The following PKHD1 variants were observed in gnomAD, a reference collection of about 807,000 sequenced individuals.
PKHD1 encodes the protein PKHD1 ciliary IPT domain containing fibrocystin/polyductin.
PKHD1 carries 291 observed loss-of-function variants against 412.0 expected under a neutral mutation model. The observed-to-expected ratio is 0.71, with a 90% confidence interval of 0.64 to 0.78. The LOEUF (loss-of-function observed/expected upper bound fraction) is 0.78. PKHD1 is among the 30% of genes least tolerant of loss of function. The pLI is 0.00. For missense variants in PKHD1, 4,825 were observed against 4,950.7 expected (o/e 0.97, Z 0.76); for synonymous variants, 1,777 against 1,821.5 (o/e 0.98, Z 0.62).
chr6:51,640,362 C>T (rs1217129885), intron 63 of PKHD1, among the ~76,000 whole-genome samples: 1 of 152,150 alleles, frequency 6.6e-6, no homozygotes, highest in Non-Finnish European at 1.5e-5. Context: ...TACCAGCTTG[C>T]CTTAGAGATC....
At chr6:51,921,963 G>A (rs957652908) in intron 37 of PKHD1, among the ~76,000 whole-genome samples, 1 of 152,146 alleles carries the variant, frequency 6.6e-6, no homozygotes, top group Non-Finnish European at 1.5e-5. Flanking sequence ...ATCCAGCTTT[G>A]TTCTATTGCT....
intron 38 of PKHD1, 22 bp from the exon 39 acceptor site, chr6:51,911,978 T>C (rs756715472): frequency 7.5e-6 from 12 of 1,592,696 alleles, no homozygotes; most frequent in South Asian, 2.2e-5. Context: ...AAGAGGATGA[T>C]AGAACTGAGG....
At position 52,058,484 on chromosome 6, in the gene PKHD1, T is replaced by C; in HGVS notation, c.1351A>G (p.Met451Val). 1 of 1,614,192 alleles carries C rather than the reference T, an allele frequency of 6.2e-7. No homozygotes were observed. Among genetic ancestry groups the C allele is most frequent in the South Asian group, 1.1e-5 (1 of 91,084 alleles). Residue 451 changes from methionine (M) to valine (V), a missense_variant, in exon 16 of 67, where the codon ATG becomes GTG. Transcript: ENST00000371117. ...TGATGCTCTGCTTCCAGGTAGTACA[T>C]GGCTCCACCCAACAGCTCCAACTTG... ...TPKLELLGGA[M>V]YYLEAEHHGI...
intron 60 of PKHD1, among the ~76,000 whole-genome samples, chr6:51,672,442 A>C (rs2150510914): frequency 6.6e-6 from 1 of 152,358 alleles, no homozygotes; most frequent in South Asian, 2.1e-4. Context: ...AAAAGCACAG[A>C]TCTATGCAAA....
intron 58 of PKHD1, 96 bp from the exon 59 acceptor site, chr6:51,746,985 A>G (rs1785276231): frequency 1.3e-6 from 1 of 769,086 alleles, no homozygotes; most frequent in Non-Finnish European, 2.1e-6. Flanking sequence ...AATAATGTAT[A>G]CCCTAAGTTA....
At chr6:52,071,359 C>A (rs1379909888) in intron 8 of PKHD1, among the ~76,000 whole-genome samples, 1 of 151,720 alleles carries the variant, frequency 6.6e-6, no homozygotes, top group African/African-American at 2.4e-5. Context: ...ACAAGTATAA[C>A]AAAACCTTTA....
intron 35 of PKHD1, among the ~76,000 whole-genome samples, chr6:51,998,297 T>C (rs1337915662): frequency 6.6e-6 from 1 of 151,846 alleles, no homozygotes; most frequent in Non-Finnish European, 1.5e-5. Flanking sequence ...ACAAGTCCTA[T>C]GGCCCTATCA....
chr6:51,768,439 C>A (rs1170347581), intron 55 of PKHD1, among the ~76,000 whole-genome samples: 1 of 151,830 alleles, frequency 6.6e-6, no homozygotes. Flanking sequence ...TTTATAGGTT[C>A]TGTAATTTTT....
chr6:51,642,134 C>G (rs917563768), intron 63 of PKHD1, among the ~76,000 whole-genome samples: 1 of 151,948 alleles, frequency 6.6e-6, no homozygotes, highest in Non-Finnish European at 1.5e-5. Flanking sequence ...CTAAGCTGGC[C>G]GGGCATGACA....
intron 8 of PKHD1, among the ~76,000 whole-genome samples, chr6:52,071,830 A>G (rs1361431990): frequency 2.0e-5 from 3 of 152,276 alleles, no homozygotes; most frequent in South Asian, 2.1e-4. Context: ...GGTGACTTCA[A>G]TGTAAAGCAT....
At position 52,017,454 on chromosome 6, in the gene PKHD1, A is replaced by G. The variant is rs549418638; in HGVS notation, c.5556T>C (p.His1852=). ...ESSQCLFVPD[H]WAESMFPSFS... Reference sequence around the variant, plus strand: ...ATGATGGAAACATTGACTCTGCCCAATGATCTGGCACAAAGAGGCATTGGG... The same window carrying G: ...ATGATGGAAACATTGACTCTGCCCAGTGATCTGGCACAAAGAGGCATTGGG... The change falls in exon 34 of 67, where the codon CAT becomes CAC. Residue 1852 remains histidine (H), a synonymous_variant. Transcript: ENST00000371117. 1.4e-5 allele frequency: 22 copies of G among 1,614,164 alleles called. No individual in the cohort carries two copies. The highest frequency in any genetic ancestry group is 6.7e-5 in the East Asian group (3 of 44,892).
intron 61 of PKHD1, among the ~76,000 whole-genome samples, chr6:51,655,561 CACAA>C (rs1165451386): frequency 2.6e-4 from 39 of 152,222 alleles, no homozygotes; most frequent in African/African-American, 8.2e-4. Flanking sequence ...ATGGCAATGT[CACAA>C]ACAAAGAGCT....
intron 63 of PKHD1, among the ~76,000 whole-genome samples, 176 bp from the exon 64 acceptor site, chr6:51,639,132 C>CAGAA (rs1196875711): frequency 6.6e-6 from 1 of 152,150 alleles, no homozygotes; most frequent in East Asian, 1.9e-4. Flanking sequence ...TGACCCAAGA[C>CAGAA]AGAATAACAG....
intron 55 of PKHD1, among the ~76,000 whole-genome samples, chr6:51,761,439 G>C (rs1035682410): frequency 6.6e-6 from 1 of 151,984 alleles, no homozygotes; most frequent in Admixed American, 6.6e-5. Flanking sequence ...GGCTGGTGGT[G>C]GGGGGAAGCA....
At chr6:51,978,373 T>G (rs1794723299) in intron 35 of PKHD1, among the ~76,000 whole-genome samples, 1 of 152,182 alleles carries the variant, frequency 6.6e-6, no homozygotes, top group Non-Finnish European at 1.5e-5. Context: ...AAGTAGTCTT[T>G]GAAGACTACC....
intron 51 of PKHD1, among the ~76,000 whole-genome samples, chr6:51,834,925 A>G (rs1768926396): frequency 6.6e-6 from 1 of 152,200 alleles, no homozygotes. Context: ...CTGAGTTCCT[A>G]TCTAGGCTCA....
At position 52,042,856 on chromosome 6, in the gene PKHD1, T is replaced by C. The variant is rs767728263; in HGVS notation, c.3097+3A>G. On this transcript the variant is annotated splice_donor_region_variant and intron_variant, in intron 27 of 66. Coordinates refer to ENST00000371117, the MANE Select transcript of PKHD1 (RefSeq NM_138694.4). ...ACATACTGTGAGACCCTCCCCAGAT[T>C]ACCAATATCCGCAGCTCTGGAAGGC... is the stretch of plus-strand genomic sequence containing the variant. 1 of 1,613,456 alleles carries C rather than the reference T, an allele frequency of 6.2e-7. No individual in the cohort carries two copies. Among genetic ancestry groups the C allele is most frequent in the Non-Finnish European group, 8.5e-7 (1 of 1,179,610 alleles).
intron 60 of PKHD1, among the ~76,000 whole-genome samples, chr6:51,666,552 A>T (rs555777029): frequency 0.011 from 1,727 of 151,306 alleles, 32 homozygotes; most frequent in African/African-American, 0.039. Context: ...ATTTTTTTTT[A>T]AATTTATTAT....
chr6:52,060,723 C>T (rs1159903061), intron 14 of PKHD1, among the ~76,000 whole-genome samples: 1 of 151,918 alleles, frequency 6.6e-6, no homozygotes, highest in Non-Finnish European at 1.5e-5. Flanking sequence ...TTTCTTAAAT[C>T]TTCAGATGAT....
Sources: allele counts gnomAD v4.1 joint callset (sites outside exome capture counted in the v4.1 genomes callset), GRCh38; gene constraint gnomAD v4.1.1; transcripts MANE v1.5; gene names NCBI Gene and HGNC (gene_info 2026-07-23, HGNC 2026-07-21).